FRMD5: variants seen among roughly 807,000 people sequenced by gnomAD.
FRMD5 encodes the protein FERM domain containing 5, also known as FERM domain-containing protein 5.
In FRMD5, 20 loss-of-function variants were observed where a neutral mutation model predicts 69.0. That is an observed-to-expected ratio of 0.29 (90% CI 0.20 to 0.42). The LOEUF (loss-of-function observed/expected upper bound fraction) is 0.42, where lower values mean the gene tolerates loss of function less well. Ranked by LOEUF, FRMD5 falls within the 10% of genes least tolerant of loss-of-function variation. The pLI, the probability that FRMD5 is intolerant of heterozygous loss-of-function variation, is 1.00. For missense variants in FRMD5, 595 were observed against 708.6 expected (o/e 0.84, Z 1.82); for synonymous variants, 271 against 260.1 (o/e 1.04, Z -0.40).
intron 1 of FRMD5, among the ~76,000 whole-genome samples, chr15:44,158,733 C>T (rs932489743): frequency 6.6e-6 from 1 of 152,180 alleles, no homozygotes; most frequent in African/African-American, 2.4e-5. Flanking sequence ...ACCTGATTTC[C>T]ATTCAATGCT....
chr15:44,041,884 A>G (rs1433654271), intron 1 of FRMD5, among the ~76,000 whole-genome samples: 1 of 152,186 alleles, frequency 6.6e-6, no homozygotes, highest in East Asian at 1.9e-4. Context: ...GAGAAGCAAG[A>G]GCAAACAAAT....
At chr15:44,088,046 A>C (rs1894277780) in intron 1 of FRMD5, among the ~76,000 whole-genome samples, 2 of 152,178 alleles carry the variant, frequency 1.3e-5, no homozygotes, top group Non-Finnish European at 2.9e-5. Flanking sequence ...GCTAGTTTTT[A>C]TGCTAGGCTG....
At chr15:44,112,026 G>A (rs2140591911) in intron 1 of FRMD5, among the ~76,000 whole-genome samples, 1 of 151,932 alleles carries the variant, frequency 6.6e-6, no homozygotes. Flanking sequence ...TGTATTTTTA[G>A]TAGAGACGGG....
chr15:44,036,893 T>C (rs896653380), intron 1 of FRMD5, among the ~76,000 whole-genome samples: 1 of 152,188 alleles, frequency 6.6e-6, no homozygotes, highest in African/African-American at 2.4e-5. Flanking sequence ...AAGGTTCTGG[T>C]AAAGGACTCT....
At chr15:44,046,474 A>G (rs1024775203) in intron 1 of FRMD5, among the ~76,000 whole-genome samples, 3 of 152,212 alleles carry the variant, frequency 2.0e-5, no homozygotes, top group South Asian at 2.1e-4. Flanking sequence ...TTATGTCTTC[A>G]AGGTTTATTC....
At chr15:44,081,981 G>A (rs1038072103) in intron 1 of FRMD5, among the ~76,000 whole-genome samples, 6 of 151,856 alleles carry the variant, frequency 4.0e-5, no homozygotes, top group Admixed American at 3.3e-4. Context: ...ATGGCAATTG[G>A]CTGTGAAATT....
chr15:43,999,229 G>A (rs1444143373), intron 1 of FRMD5, among the ~76,000 whole-genome samples: 7 of 151,998 alleles, frequency 4.6e-5, no homozygotes, highest in Non-Finnish European at 8.8e-5. Flanking sequence ...CACCACGCCT[G>A]GCTAATTTTT....
chr15:44,031,401 T>A (rs937143569), intron 1 of FRMD5, among the ~76,000 whole-genome samples: 2 of 152,182 alleles, frequency 1.3e-5, no homozygotes, highest in African/African-American at 2.4e-5. Context: ...AACAGAAATT[T>A]ATTTCTCATA....
chr15:44,176,182 T>A (rs2077891022), intron 1 of FRMD5, among the ~76,000 whole-genome samples: 1 of 152,114 alleles, frequency 6.6e-6, no homozygotes, highest in Non-Finnish European at 1.5e-5. Context: ...TAAAGGTAAA[T>A]AGATAGATCA....
chr15:44,059,218 C>T (rs1331309593), intron 1 of FRMD5, among the ~76,000 whole-genome samples: 1 of 152,108 alleles, frequency 6.6e-6, no homozygotes, highest in Non-Finnish European at 1.5e-5. Flanking sequence ...ATCTTAAGAG[C>T]TGTAGTAAAG....
intron 1 of FRMD5, among the ~76,000 whole-genome samples, chr15:44,078,952 C>T (rs968121247): frequency 6.6e-6 from 1 of 151,838 alleles, no homozygotes; most frequent in Non-Finnish European, 1.5e-5. Context: ...TCAAAGTCTG[C>T]CAAAGGACAT....
intron 1 of FRMD5, among the ~76,000 whole-genome samples, chr15:44,171,412 A>G (rs1370030882): frequency 6.6e-6 from 1 of 152,226 alleles, no homozygotes; most frequent in Non-Finnish European, 1.5e-5. Context: ...AGTATTCAAC[A>G]CTACAAGCTT....
chr15:44,044,474 T>C (rs111934914), intron 1 of FRMD5, among the ~76,000 whole-genome samples: 5,847 of 152,226 alleles, frequency 0.038, 337 homozygotes, highest in African/African-American at 0.12. Flanking sequence ...TGTATGTTTA[T>C]TGAGGCACTA....
At position 43,897,275 on chromosome 15, in the gene FRMD5, G is replaced by A. The variant is rs964127037; in HGVS notation, c.639+4900C>T. On this transcript the variant is annotated intron_variant, in intron 7 of 13. Coordinates refer to ENST00000417257, the MANE Select transcript of FRMD5 (RefSeq NM_032892.5). Reference sequence around the variant, plus strand: ...GGCCGAGGCGGGCAGATCACCTGAGGTCAGGAGTTTGAGACAAGCCTGGCC... The same window carrying A: ...GGCCGAGGCGGGCAGATCACCTGAGATCAGGAGTTTGAGACAAGCCTGGCC... Among the ~76,000 whole-genome samples, 8 of 151,950 alleles carry A rather than the reference G, an allele frequency of 5.3e-5. No individual in the cohort carries two copies. In the South Asian group the frequency reaches 1.7e-3, roughly 32 times the overall value.
intron 1 of FRMD5, among the ~76,000 whole-genome samples, chr15:44,103,246 G>C (rs145629321): frequency 6.6e-6 from 1 of 152,292 alleles, no homozygotes; most frequent in Admixed American, 6.5e-5. Flanking sequence ...GGTCAGTATA[G>C]AAGGAGCTCT....
chr15:44,194,985 G>C lies in FRMD5; in HGVS notation c.70C>G (p.Leu24Val). Residue 24 changes from leucine (L) to valine (V), a missense_variant, in exon 1 of 14, where the codon CTG (leucine) becomes GTG (valine). Leu to Val is a conservative substitution (Grantham distance 32). Around this residue, in one of 5 missense-constraint regions of FRMD5, gnomAD observed 44 missense variants for 33.6 expected, o/e 1.31. Coordinates refer to ENST00000417257, the MANE Select transcript of FRMD5 (RefSeq NM_032892.5). The stretch of plus-strand genomic sequence containing the variant: ...GTGCAGGTGTACTCGCTGTCGTCCA[G>C]CAGCCGCACGGTGCAGCTGTACTCG... ...EREYSCTVRL[L>V]DDSEYTCTIQ... 1 of 1,552,632 alleles carries C rather than the reference G, an allele frequency of 6.4e-7. No homozygotes were observed. The highest frequency in any genetic ancestry group is 8.7e-7 in the Non-Finnish European group (1 of 1,153,468).
intron 1 of FRMD5, chr15:44,194,169 G>A (rs1229115426): frequency 6.6e-6 from 1 of 152,228 alleles, no homozygotes; most frequent in Non-Finnish European, 1.5e-5. Flanking sequence ...ATGAGCAAGA[G>A]GTTGTAAAAA....
chr15:44,101,052 C>T (rs187014542), intron 1 of FRMD5, among the ~76,000 whole-genome samples: 4 of 151,418 alleles, frequency 2.6e-5, no homozygotes, highest in African/African-American at 9.7e-5. Context: ...GGGAGGCTGA[C>T]GCAGGAGAAT....
intron 1 of FRMD5, among the ~76,000 whole-genome samples, chr15:44,160,937 C>T (rs1183283883): frequency 1.3e-5 from 2 of 152,174 alleles, no homozygotes; most frequent in Non-Finnish European, 2.9e-5. Flanking sequence ...GTTGGGGATG[C>T]ATTAATTTTA....
Sources: gnomAD v4.1 joint callset for allele counts (sites outside exome capture counted in the v4.1 genomes callset) on GRCh38, gnomAD v4.1.1 for gene constraint, gnomAD v4.1.1 regional missense constraint, MANE v1.5 for transcripts, NCBI Gene and HGNC (gene_info 2026-07-23, HGNC 2026-07-21) for gene names.